CACNA2D2: variants seen among roughly 807,000 people sequenced by gnomAD.
The protein encoded by CACNA2D2 is calcium voltage-gated channel auxiliary subunit alpha2delta 2.
CACNA2D2 carries 48 observed loss-of-function variants against 166.4 expected under a neutral mutation model. The observed-to-expected ratio is 0.29, with a 90% CI of 0.23 to 0.37. The LOEUF (loss-of-function observed/expected upper bound fraction) is 0.37. Ranked by LOEUF, CACNA2D2 falls within the 10% of genes least tolerant of loss-of-function variation. The pLI is 1.00. For synonymous variants in CACNA2D2, 561 were observed against 573.7 expected (o/e 0.98, Z 0.32); for missense variants, 1,122 against 1,433.0 (o/e 0.78, Z 3.50).
At position 50,374,817 on chromosome 3, in the gene CACNA2D2, A is replaced by C; in HGVS notation, c.1908-4T>G. The C allele has an allele frequency of 6.3e-7, 1 of 1,583,818 alleles. No individual in the cohort carries two copies. The highest frequency in any genetic ancestry group is 8.6e-7 in the Non-Finnish European group (1 of 1,165,836). ...GGGTGGGAGCACCAGCCCCAGGCTG[A>C]GGGGGGAGAAGCTCGGGTCACGGCT... is the stretch of plus-strand genomic sequence containing the variant. On this transcript the variant is annotated splice_polypyrimidine_tract_variant and splice_region_variant and intron_variant, in intron 21 of 37. Transcript: ENST00000424201.
At chr3:50,444,758 C>A (rs983695691) in intron 2 of CACNA2D2, among the ~76,000 whole-genome samples, 4 of 152,188 alleles carry the variant, frequency 2.6e-5, no homozygotes, top group Non-Finnish European at 5.9e-5. Context: ...CTTAGCATGG[C>A]AGGTGTGGGA....
At chr3:50,456,647 C>T (rs1056939576) in intron 2 of CACNA2D2, among the ~76,000 whole-genome samples, 1 of 152,212 alleles carries the variant, frequency 6.6e-6, no homozygotes, top group African/African-American at 2.4e-5. Flanking sequence ...GCCCCTCACA[C>T]ACTCTGCCCT....
chr3:50,469,181 T>C (rs1709959224), intron 2 of CACNA2D2, among the ~76,000 whole-genome samples: 1 of 152,122 alleles, frequency 6.6e-6, no homozygotes, highest in African/African-American at 2.4e-5. Flanking sequence ...TGTCAACTTG[T>C]TGACTGATTG....
chr3:50,496,261 A>G (rs1252945013), intron 1 of CACNA2D2, among the ~76,000 whole-genome samples: 1 of 152,240 alleles, frequency 6.6e-6, no homozygotes, highest in Non-Finnish European at 1.5e-5. Flanking sequence ...ACATACACGC[A>G]CACACCTACT....
rs140842313 is a variant in CACNA2D2, at chr3:50,409,863, C to T, written c.406-15695G>A. On this transcript the variant is annotated intron_variant, in intron 3 of 37. Coordinates refer to ENST00000424201, the MANE Select transcript of CACNA2D2 (RefSeq NM_006030.4). ...TGGCTGGGGATGGACCCAGCGGGCA[C>T]GAGGAGACCTGAGAGGGTCCAAGCT... Among the ~76,000 whole-genome samples, 783 of 152,262 alleles carry T rather than the reference C, an allele frequency of 5.1e-3. 2 individuals carry two copies. The highest frequency in any genetic ancestry group is 8.2e-3 in the Non-Finnish European group (555 of 68,014).
chr3:50,494,661 GATTTT>G (rs917708048), intron 1 of CACNA2D2, among the ~76,000 whole-genome samples: 3 of 151,992 alleles, frequency 2.0e-5, no homozygotes, highest in Non-Finnish European at 2.9e-5. Context: ...CCATGCCATA[GATTTT>G]ATTTATTTAT....
chr3:50,493,778 G>A (rs980869066), intron 1 of CACNA2D2, among the ~76,000 whole-genome samples: 7 of 151,964 alleles, frequency 4.6e-5, no homozygotes, highest in African/African-American at 1.5e-4. Context: ...GGCGGGGCAC[G>A]GGTCTGGAGG....
chr3:50,490,746 A>T (rs1262988179), intron 1 of CACNA2D2, among the ~76,000 whole-genome samples: 1 of 152,156 alleles, frequency 6.6e-6, no homozygotes, highest in African/African-American at 2.4e-5. Context: ...GCTAGCTGGG[A>T]GCTCCAGCCA....
intron 2 of CACNA2D2, among the ~76,000 whole-genome samples, chr3:50,469,530 T>C (rs765079338): frequency 8.5e-5 from 13 of 152,184 alleles, no homozygotes; most frequent in Non-Finnish European, 1.3e-4. Flanking sequence ...TTGACAGTGG[T>C]TGTGGGGGTG....
Position 50,379,722 on chromosome 3 carries a change from C to T in CACNA2D2, c.993+3G>A. On this transcript the variant is annotated splice_donor_region_variant and intron_variant, in intron 10 of 37. Coordinates refer to ENST00000424201, the MANE Select transcript of CACNA2D2 (RefSeq NM_006030.4). The surrounding 1 kb of genome is among the most constrained non-coding windows in gnomAD (Gnocchi z 6.5). ...TCACCCCGTCTGCCACCTTGGCACTCACCGAGGCCACATTCACATAGTCAT... is the reference window on the plus strand; with the variant it reads ...TCACCCCGTCTGCCACCTTGGCACTTACCGAGGCCACATTCACATAGTCAT... The T allele has an allele frequency of 6.2e-7, 1 of 1,613,594 alleles. No individual in the cohort carries two copies.
intron 2 of CACNA2D2, among the ~76,000 whole-genome samples, chr3:50,459,171 G>A (rs1023860862): frequency 1.3e-5 from 2 of 152,182 alleles, no homozygotes; most frequent in African/African-American, 2.4e-5. Flanking sequence ...GTCACACAGG[G>A]AGATGAGATT....
chr3:50,362,998 G>A lies in CACNA2D2; in HGVS notation c.*1668C>T. ...AAGGAAATGGCCCCCCAGTCCCCCA[G>A]CCCAAGGTGAGGGGCAGCCAGGTCG... is the stretch of plus-strand genomic sequence containing the variant. On this transcript the variant is annotated 3_prime_UTR_variant, in exon 38 of 38. Transcript: ENST00000424201. The A allele has an allele frequency of 2.5e-6, 1 of 397,588 alleles. No individual in the cohort carries two copies. The highest frequency in any genetic ancestry group is 4.4e-5 in the Admixed American group (1 of 22,722). 24.6% of individuals were successfully genotyped at this position (397,588 alleles called of 1,614,324 possible).
In CACNA2D2 at chr3:50,378,345, G is replaced by A. The variant is rs1297780337; in HGVS notation, c.1340-12C>T. 1 of 1,551,506 alleles carries A rather than the reference G, an allele frequency of 6.4e-7. No homozygotes were observed. Among genetic ancestry groups the A allele is most frequent in the Middle Eastern group, 1.7e-4 (1 of 5,992 alleles). Reference sequence around the variant, plus strand: ...CTCAAAATAGTAGCCTGTGAAGGAAGGAGAGGCAGAGGTGGGCCTGGCTGG... The same window carrying A: ...CTCAAAATAGTAGCCTGTGAAGGAAAGAGAGGCAGAGGTGGGCCTGGCTGG... On this transcript the variant is annotated splice_polypyrimidine_tract_variant and intron_variant, in intron 13 of 37. Transcript: ENST00000424201.
Position 50,407,388 on chromosome 3 carries a change from G to C in CACNA2D2, c.406-13220C>G, listed in dbSNP as rs560181637. Among the ~76,000 whole-genome samples, 931 of 151,822 alleles carry C rather than the reference G, an allele frequency of 6.1e-3. 102 individuals carry two copies. In the East Asian group the frequency reaches 0.17, roughly 28 times the overall value. On this transcript the variant is annotated intron_variant, in intron 3 of 37. Coordinates refer to ENST00000424201, the MANE Select transcript of CACNA2D2 (RefSeq NM_006030.4). ...AGACTTCCTAGGCCTGCCACTCGTG[G>C]GCTCTGACCCCTGCTCTGACCCTGT...
Position 50,367,226 on chromosome 3 carries a change from C to A in CACNA2D2, c.2402-117G>T. The A allele has an allele frequency of 1.0e-6, 1 of 985,226 alleles. No homozygotes were observed. Among genetic ancestry groups the A allele is most frequent in the Non-Finnish European group, 1.6e-6 (1 of 636,362 alleles). The allele number at this position is 985,226 out of a possible 1,614,324, so 61.0% of individuals were successfully genotyped here. A position where few individuals can be genotyped will look rare whatever the true frequency, so the allele number is the denominator to read the frequency against. On this transcript the variant is annotated intron_variant, in intron 27 of 37. Transcript: ENST00000424201. This position sits in a 1 kb window ranked among gnomAD's most constrained non-coding sequence, Gnocchi z 6.5. ...GGATGACTCCAGCCCAAGCACCCAG[C>A]ACTCAGGACAGTGTTTGGCACAGTC...
intron 2 of CACNA2D2, among the ~76,000 whole-genome samples, chr3:50,448,960 G>A (rs1708985774): frequency 6.6e-6 from 1 of 152,180 alleles, no homozygotes; most frequent in Non-Finnish European, 1.5e-5. Flanking sequence ...CCTCAGGCAA[G>A]GGATCCTTCC....
intron 1 of CACNA2D2, among the ~76,000 whole-genome samples, chr3:50,483,202 A>T (rs1366820306): frequency 6.6e-6 from 1 of 152,136 alleles, no homozygotes; most frequent in Non-Finnish European, 1.5e-5. Flanking sequence ...GATTCAGTTG[A>T]AGGGACCCTA....
chr3:50,503,571 G>C lies in CACNA2D2; in HGVS notation c.-148C>G, dbSNP rs1416910570. On this transcript the variant is annotated 5_prime_UTR_variant, in exon 1 of 38. Transcript: ENST00000424201. The stretch of plus-strand genomic sequence containing the variant: ...CCGCGAGGGGCCTCCGGGGCTGCAC[G>C]GGCCGCAGCGCCTCTGCGGGCTGCG... 2 of 167,392 alleles carry C rather than the reference G, an allele frequency of 1.2e-5. No homozygotes were observed. The highest frequency in any genetic ancestry group is 6.4e-5 in the Admixed American group (1 of 15,736). 10.4% of individuals were successfully genotyped at this position (167,392 alleles called of 1,614,324 possible). A position where few individuals can be genotyped will look rare whatever the true frequency, so the allele number is the denominator to read the frequency against.
intron 22 of CACNA2D2, among the ~76,000 whole-genome samples, chr3:50,373,635 G>A (rs1340645698): frequency 8.7e-6 from 1 of 114,814 alleles, no homozygotes; most frequent in African/African-American, 3.5e-5. Context: ...GGGTGCTGGG[G>A]TGGGGAGAGC....
Sources: allele counts gnomAD v4.1 joint callset (sites outside exome capture counted in the v4.1 genomes callset), GRCh38; gene constraint gnomAD v4.1.1; non-coding constraint Gnocchi (gnomAD v3.1); transcripts MANE v1.5; gene names NCBI Gene and HGNC (gene_info 2026-07-23, HGNC 2026-07-21).